NUMA1: variants seen among roughly 807,000 people sequenced by gnomAD.
NUMA1 encodes the protein nuclear mitotic apparatus protein 1.
A neutral mutation model predicts 237.1 loss-of-function variants in NUMA1; 62 were observed. The ratio of observed to expected loss-of-function variants is 0.26; its 90% CI spans 0.21 to 0.32. NUMA1 has a LOEUF of 0.32. Ranked by LOEUF, NUMA1 falls within the 10% of genes least tolerant of loss-of-function variation. The pLI is 1.00. For synonymous variants in NUMA1, 1,028 were observed against 1,066.1 expected, an observed-to-expected ratio of 0.96 and a Z score of 0.70; for missense variants, 2,533 against 2,666.5, an observed-to-expected ratio of 0.95 and a Z score of 1.10.
intron 22 of NUMA1, 137 bp downstream of exon 22, chr11:72,005,898 G>T: frequency 1.4e-6 from 1 of 728,376 alleles, no homozygotes; most frequent in Non-Finnish European, 2.3e-6. Context: ...GAGGCTGCAG[G>T]AAGGAGGGGC....
At chr11:72,036,688 C>G (rs780560321) in intron 2 of NUMA1, among the ~76,000 whole-genome samples, 1 of 152,112 alleles carries the variant, frequency 6.6e-6, no homozygotes, top group African/African-American at 2.4e-5. Context: ...TGGATGAGGT[C>G]GAGCCCAATT....
Position 72,017,901 on chromosome 11 carries a change from C to T in NUMA1, c.979-74G>A, listed in dbSNP as rs531997845. On this transcript the variant is annotated intron_variant, in intron 12 of 26. Coordinates refer to ENST00000393695, the MANE Select transcript of NUMA1 (RefSeq NM_006185.4). ...CCACCACTGCTGTCTGCTCCCAGAA[C>T]CCCAGGGGCTGGATGCCTCCAATTA... 5.2e-5 allele frequency: 80 copies of T among 1,528,546 alleles called. No individual in the cohort carries two copies. In the African/African-American group the frequency reaches 7.5e-4, roughly 14 times the overall value. The allele number at this position is 1,528,546 out of a possible 1,614,324, so 94.7% of individuals were successfully genotyped here.
chr11:72,073,882 T>TCA (rs1242235910), intron 1 of NUMA1, among the ~76,000 whole-genome samples: 1 of 152,134 alleles, frequency 6.6e-6, no homozygotes, highest in South Asian at 2.1e-4. Context: ...AGAACTTAGC[T>TCA]CACAGAGCTT....
chr11:72,044,630 G>A (rs897967529), intron 2 of NUMA1, among the ~76,000 whole-genome samples: 5 of 150,542 alleles, frequency 3.3e-5, no homozygotes, highest in African/African-American at 1.2e-4. Flanking sequence ...AGATTGTAGG[G>A]AACATTCACT....
chr11:72,033,144 T>C (rs138028472), intron 3 of NUMA1, among the ~76,000 whole-genome samples: 307 of 152,288 alleles, frequency 2.0e-3, no homozygotes, highest in African/African-American at 7.3e-3. Context: ...AAACATTCTC[T>C]ATACTATATT....
intron 2 of NUMA1, among the ~76,000 whole-genome samples, chr11:72,042,607 A>C (rs920993189): frequency 6.6e-6 from 1 of 152,218 alleles, no homozygotes; most frequent in Non-Finnish European, 1.5e-5. Context: ...AAGGGCTTGA[A>C]GAGTGAGGTG....
chr11:72,013,916 C>T lies in NUMA1; in HGVS notation c.3587G>A (p.Arg1196His), dbSNP rs199732388. 676 of 1,613,870 alleles carry T rather than the reference C, an allele frequency of 4.2e-4. No homozygotes were observed. Among genetic ancestry groups the T allele is most frequent in the Non-Finnish European group, 5.1e-4 (603 of 1,180,044 alleles). Residue 1196 changes from arginine (R) to histidine (H), a missense_variant, in exon 15 of 27, where the codon CGC becomes CAC. Arg to His is a conservative substitution (Grantham distance 29, BLOSUM62 0). Coordinates refer to ENST00000393695, the MANE Select transcript of NUMA1 (RefSeq NM_006185.4). This position sits in a 1 kb window ranked among gnomAD's most constrained non-coding sequence, Gnocchi z 6.8. ...CTTGCTGTGGTCTTGTACCTTGGTG[C>T]GGAAGGCAGCCAACTCCCGTTGGGC... is the stretch of plus-strand genomic sequence containing the variant. ...ASAQRELAAF[R>H]TKVQDHSKAE... is the part of the protein sequence containing the mutation.
chr11:72,005,219 A>T lies in NUMA1; in HGVS notation c.5829+14T>A, dbSNP rs757631761. On this transcript the variant is annotated intron_variant, in intron 23 of 26. Transcript: ENST00000393695. ...CAGGGATGGGAGGCCCTGCACAGTG[A>T]CCCCAGGCCTCACCCTGGACTCCAG... 1.6e-5 allele frequency: 25 copies of T among 1,572,768 alleles called. No homozygotes were observed. In the Admixed American group the frequency reaches 2.3e-4, roughly 15 times the overall value.
intron 24 of NUMA1, 127 bp downstream of exon 24, chr11:72,004,513 G>T: frequency 1.6e-6 from 2 of 1,232,844 alleles, no homozygotes; most frequent in Admixed American, 2.3e-5. Flanking sequence ...CATGGGTCAG[G>T]CCCTTGGAGA....
intron 1 of NUMA1, among the ~76,000 whole-genome samples, chr11:72,073,048 C>CAAAAAAAAAA (rs71052849): frequency 0.75 from 28,927 of 38,748 alleles, 13,421 homozygotes; most frequent in Non-Finnish European, 0.9. Flanking sequence ...GACTCCGTCT[C>CAAAAAAAAAA]AAAAAAAAAA....
intron 2 of NUMA1, among the ~76,000 whole-genome samples, chr11:72,058,030 C>A (rs1021640583): frequency 1.3e-5 from 2 of 151,922 alleles, no homozygotes; most frequent in Non-Finnish European, 2.9e-5. Flanking sequence ...AAGATTGTGC[C>A]ACTGCATTAC....
In NUMA1 at chr11:72,023,155, G is replaced by T; in HGVS notation, c.209-8C>A. ...AGGGATGTTTTCGATTTTCTGCAAT[G>T]ACAACAACGTAGAAAACAGGGTGAA... is the stretch of plus-strand genomic sequence containing the variant. On this transcript the variant is annotated splice_polypyrimidine_tract_variant and splice_region_variant and intron_variant, in intron 5 of 26. Coordinates refer to ENST00000393695, the MANE Select transcript of NUMA1 (RefSeq NM_006185.4). The T allele has an allele frequency of 6.2e-7, 1 of 1,604,782 alleles. No homozygotes were observed. The highest frequency in any genetic ancestry group is 1.1e-5 in the South Asian group (1 of 90,896).
chr11:72,024,298 C>A lies in NUMA1; in HGVS notation c.184G>T (p.Asp62Tyr). The change falls in exon 5 of 27, where the codon GAC becomes TAC. Residue 62 changes from aspartate to tyrosine, a missense_variant. Transcript: ENST00000393695. The stretch of plus-strand genomic sequence containing the variant: ...CTCTGCAGAAAACTGCACACAAAGT[C>A]CAGTCTCTCTGACACCGGCTGCTTC... ...ILKQPVSERL[D>Y]FVCSFLQKNR... 3.1e-6 allele frequency: 5 copies of A among 1,614,198 alleles called. No individual in the cohort carries two copies. The highest frequency in any genetic ancestry group is 4.2e-6 in the Non-Finnish European group (5 of 1,180,014).
chr11:72,006,621 T>A (rs1479764432), intron 21 of NUMA1, among the ~76,000 whole-genome samples: 2 of 152,218 alleles, frequency 1.3e-5, no homozygotes, highest in African/African-American at 4.8e-5. Flanking sequence ...CTAGGCCCCA[T>A]GTCTCCTGAC....
At chr11:72,077,872 G>A (rs1489386754) in intron 1 of NUMA1, among the ~76,000 whole-genome samples, 1 of 150,098 alleles carries the variant, frequency 6.7e-6, no homozygotes, top group Non-Finnish European at 1.5e-5. Context: ...AATGAAGACA[G>A]TGTTTACCAC....
chr11:72,049,560 A>ATATATATATATATATATATATATATATAT lies in NUMA1; in HGVS notation c.-32-13586_-32-13585insATATATATATATATATATATATATATATA, dbSNP rs59229987. The stretch of plus-strand genomic sequence containing the variant: ...CCTGTCTAAAAAAAAAAATAATAAT[A>ATATATATATATATATATATATATATATAT]ATATATATATATATATATATATAGT... On this transcript the variant is annotated intron_variant, in intron 2 of 26. Coordinates refer to ENST00000393695, the MANE Select transcript of NUMA1 (RefSeq NM_006185.4). 6.4e-3 allele frequency: 260 copies of ATATATATATATATATATATATATATATAT among 40,932 alleles called. 81 individuals are homozygous for ATATATATATATATATATATATATATATAT. Among genetic ancestry groups the ATATATATATATATATATATATATATATAT allele is most frequent in the Middle Eastern group, 0.029 (1 of 34 alleles). The allele number at this position is 40,932 out of a possible 1,614,324, so 2.5% of individuals were successfully genotyped here. A position where few individuals can be genotyped will look rare whatever the true frequency, so the allele number is the denominator to read the frequency against.
intron 20 of NUMA1, chr11:72,008,429 G>A: frequency 2.0e-6 from 1 of 496,152 alleles, no homozygotes; most frequent in Non-Finnish European, 3.7e-6. Flanking sequence ...TGTTCACACT[G>A]CTCTTCTCGT....
chr11:72,003,043 C>A lies in NUMA1; in HGVS notation c.*484G>T, dbSNP rs781132578. The A allele has an allele frequency of 4.2e-6, 1 of 238,290 alleles. No homozygotes were observed. The highest frequency in any genetic ancestry group is 8.3e-6 in the Non-Finnish European group (1 of 121,080). 14.8% of individuals were successfully genotyped at this position (238,290 alleles called of 1,614,324 possible). On this transcript the variant is annotated 3_prime_UTR_variant, in exon 27 of 27. Transcript: ENST00000393695. Reference sequence around the variant, plus strand: ...CCACTCCTGAGACATAGGGCCCATCCGTCCTGGGAAAGAGCATCCTCTGGC... The same window carrying A: ...CCACTCCTGAGACATAGGGCCCATCAGTCCTGGGAAAGAGCATCCTCTGGC...
chr11:72,005,888 G>A, intron 22 of NUMA1, 147 bp downstream of exon 22: 1 of 691,574 alleles, frequency 1.4e-6, no homozygotes, highest in South Asian at 1.9e-5. Flanking sequence ...GGAAGGCCCT[G>A]AGGCTGCAGG....
Sources: allele counts gnomAD v4.1 joint callset (sites outside exome capture counted in the v4.1 genomes callset), GRCh38; gene constraint gnomAD v4.1.1; non-coding constraint Gnocchi (gnomAD v3.1); transcripts MANE v1.5; gene names NCBI Gene and HGNC (gene_info 2026-07-23, HGNC 2026-07-21).